C7: variants seen among roughly 807,000 people sequenced by gnomAD.
C7 encodes the protein complement C7.
C7 carries 83 observed loss-of-function variants against 104.8 expected under a neutral mutation model. The observed-to-expected ratio is 0.79, with a 90% CI of 0.66 to 0.95. The LOEUF is 0.95. C7 is among the 40% of genes least tolerant of loss of function. The pLI, the probability that C7 is intolerant of heterozygous loss-of-function variation, is 0.00. For missense variants in C7, 1,070 were observed against 1,011.2 expected (o/e 1.06, Z -0.79); for synonymous variants, 415 against 360.6 (o/e 1.15, Z -1.71).
Position 40,936,448 on chromosome 5 carries a change from G to A in C7, c.391G>A (p.Asp131Asn), listed in dbSNP as rs755439553. Residue 131 changes from aspartate (D) to asparagine (N), a missense_variant, in exon 5 of 18, where the codon GAT (aspartate) becomes AAT (asparagine). By Grantham distance (23) the Asp-to-Asn change is conservative. Transcript: ENST00000313164. ...AGAAAGGAGACCTTCCTGTGATATCGATAAACCTCCTCCTAACATAGAACT... is the reference window on the plus strand; with the variant it reads ...AGAAAGGAGACCTTCCTGTGATATCAATAAACCTCCTCCTAACATAGAACT... Reference protein sequence around the residue: ...DSERRPSCDIDKPPPNIELTG... With the variant: ...DSERRPSCDINKPPPNIELTG... The A allele has an allele frequency of 6.2e-5, 100 of 1,613,078 alleles. No homozygotes were observed. The Admixed American group carries it at 1.4e-3, about 22-fold the overall frequency.
intron 15 of C7, among the ~76,000 whole-genome samples, chr5:40,975,119 T>C (rs1740786097): frequency 6.6e-6 from 1 of 152,182 alleles, no homozygotes; most frequent in Admixed American, 6.6e-5. Flanking sequence ...TTGGAATAAT[T>C]TTAGATTTCA....
intron 5 of C7, 142 bp downstream of exon 5, chr5:40,936,627 A>C: frequency 1.3e-6 from 1 of 740,770 alleles, no homozygotes; most frequent in East Asian, 2.7e-5. Context: ...CCACATCCTG[A>C]GACAGTATTT....
intron 14 of C7, among the ~76,000 whole-genome samples, chr5:40,970,719 G>T (rs541557494): frequency 6.6e-6 from 1 of 151,912 alleles, no homozygotes; most frequent in Non-Finnish European, 1.5e-5. Context: ...TTTAAGCCTC[G>T]CATGCATTAG....
Position 40,982,930 on chromosome 5 carries a change from T to G in C7, c.*1357T>G, listed in dbSNP as rs150940760. 0.013 allele frequency: 2,027 copies of G among 152,508 alleles called. 26 individuals are homozygous for G. The highest frequency in any genetic ancestry group is 0.017 in the Non-Finnish European group (1,154 of 68,038). 9.4% of individuals were successfully genotyped at this position (152,508 alleles called of 1,614,324 possible). A position where few individuals can be genotyped will look rare whatever the true frequency, so the allele number is the denominator to read the frequency against. On this transcript the variant is annotated 3_prime_UTR_variant, in exon 18 of 18. Coordinates refer to ENST00000313164, the MANE Select transcript of C7 (RefSeq NM_000587.4). ...ATTAGAACACTCATTAAAGATGCTATTCTTCAGAATTGTTTCATTTGTATG... is the reference window on the plus strand; with the variant it reads ...ATTAGAACACTCATTAAAGATGCTAGTCTTCAGAATTGTTTCATTTGTATG...
intron 14 of C7, among the ~76,000 whole-genome samples, chr5:40,970,419 T>C (rs1042773479): frequency 6.6e-6 from 1 of 152,112 alleles, no homozygotes; most frequent in Non-Finnish European, 1.5e-5. Flanking sequence ...CTATTTGAGC[T>C]AATGAATGTA....
chr5:40,979,129 G>A (rs138635773), intron 16 of C7, among the ~76,000 whole-genome samples: 2,924 of 151,946 alleles, frequency 0.019, 81 homozygotes, highest in African/African-American at 0.067. Flanking sequence ...ATCCACCTGC[G>A]TTGGCCTCCC....
chr5:40,919,126 CTTTTT>C (rs35920628), intron 1 of C7, among the ~76,000 whole-genome samples: 1 of 143,380 alleles, frequency 7.0e-6, no homozygotes, highest in Non-Finnish European at 1.5e-5. Flanking sequence ...TATCAAGTAT[CTTTTT>C]TTTTTTTTTT....
At chr5:40,925,026 A>G (rs905063943) in intron 1 of C7, among the ~76,000 whole-genome samples, 1 of 152,210 alleles carries the variant, frequency 6.6e-6, no homozygotes, top group Non-Finnish European at 1.5e-5. Flanking sequence ...CTCTGTAGCA[A>G]GTGCTTGCTC....
rs1174305227 is a variant in C7 at position 40,958,021 on chromosome 5, TTATCTC to T, written c.1261-8_1261-3del. 38 of 1,590,220 alleles carry T rather than the reference TTATCTC, an allele frequency of 2.4e-5. No individual in the cohort carries two copies. The highest frequency in any genetic ancestry group is 3.1e-5 in the Non-Finnish European group (36 of 1,162,994). Reference sequence around the variant, plus strand: ...TCCCTGATTACTGACTATAATGTCTTTATCTCTATAGCTGACACCTTTATATGAGCT... The same window carrying T: ...TCCCTGATTACTGACTATAATGTCTTTATAGCTGACACCTTTATATGAGCT... On this transcript the variant is annotated splice_polypyrimidine_tract_variant and splice_region_variant and intron_variant, in intron 10 of 17. Coordinates refer to ENST00000313164, the MANE Select transcript of C7 (RefSeq NM_000587.4).
In C7 at chr5:40,982,713, A is replaced by G. The variant is rs952085254; in HGVS notation, c.*1140A>G. ...TACAGTCCCAGAGTTTTCAGGGAGT[A>G]CACAGGTAGATTAGTTTGAAGCATT... On this transcript the variant is annotated 3_prime_UTR_variant, in exon 18 of 18. Transcript: ENST00000313164. 6.6e-6 allele frequency: 1 copy of G among 152,374 alleles called. No homozygotes were observed. The highest frequency in any genetic ancestry group is 2.4e-5 in the African/African-American group (1 of 41,472). 9.4% of individuals were successfully genotyped at this position (152,374 alleles called of 1,614,324 possible).
chr5:40,917,827 A>G (rs898198064), intron 1 of C7, among the ~76,000 whole-genome samples: 1 of 152,188 alleles, frequency 6.6e-6, no homozygotes, highest in African/African-American at 2.4e-5. Context: ...TTTTCAAATC[A>G]TTTAAGAAAT....
intron 1 of C7, among the ~76,000 whole-genome samples, chr5:40,919,190 C>T (rs950120491): frequency 2.0e-5 from 3 of 150,066 alleles, no homozygotes; most frequent in Admixed American, 1.3e-4. Context: ...GTGGTCTGAT[C>T]TCAGCTCACT....
intron 14 of C7, among the ~76,000 whole-genome samples, chr5:40,965,618 G>A (rs957152975): frequency 7.0e-6 from 1 of 143,270 alleles, no homozygotes; most frequent in African/African-American, 2.7e-5. Flanking sequence ...ACAGTGGTGA[G>A]TGTATAGTGA....
rs762776940 is a variant in C7, at chr5:40,936,409, A to G, written c.352A>G (p.Arg118Gly). ...TGATGAAGACAGTGCTGATGAAGAC[A>G]GATGTGAGGACTCAGAAAGGAGACC... The part of the protein sequence containing the change: ...DCDEDSADED[R>G]CEDSERRPSC... Residue 118 changes from arginine to glycine, a missense_variant, in exon 5 of 18, where the codon AGA (arginine) becomes GGA (glycine). Arg to Gly is a moderately radical substitution (Grantham distance 125, BLOSUM62 -2). Transcript: ENST00000313164. 4.3e-6 allele frequency: 7 copies of G among 1,613,366 alleles called. No individual in the cohort carries two copies. The Admixed American group carries it at 1.0e-4, about 23-fold the overall frequency.
intron 8 of C7, among the ~76,000 whole-genome samples, chr5:40,949,004 G>C (rs1051497283): frequency 1.3e-5 from 2 of 151,862 alleles, no homozygotes; most frequent in African/African-American, 2.4e-5. Flanking sequence ...GAGTGCACAA[G>C]TACAGGTTTT....
At chr5:40,964,493 A>G (rs7713409) in intron 13 of C7, 72,973 of 334,808 alleles carry the variant, frequency 0.22, 8,253 homozygotes, top group African/African-American at 0.33. Flanking sequence ...AATGCTTAGT[A>G]TAGTCCTTGG....
intron 3 of C7, 95 bp downstream of exon 3, chr5:40,931,234 T>C (rs1426568081): frequency 3.9e-5 from 33 of 855,326 alleles, no homozygotes; most frequent in Non-Finnish European, 4.2e-5. Context: ...CATTAAATAG[T>C]GTCAATATTT....
intron 5 of C7, 72 bp from the exon 6 acceptor site, chr5:40,937,480 T>TC (rs1739840303): frequency 6.7e-7 from 1 of 1,495,442 alleles, no homozygotes; most frequent in Admixed American, 2.2e-5. Context: ...TAAACTTTTT[T>TC]CCCCACCAAG....
rs34725318 is a variant in C7, at chr5:40,974,387, G to GTTTTTTT, written c.2074+1800_2074+1806dup. Among the ~76,000 whole-genome samples, 686 of 138,118 alleles carry GTTTTTTT rather than the reference G, an allele frequency of 5.0e-3. 6 individuals are homozygous for GTTTTTTT. Among genetic ancestry groups the GTTTTTTT allele is most frequent in the African/African-American group, 0.017 (634 of 37,414 alleles). 90.6% of individuals were successfully genotyped at this position (138,118 alleles called of 152,430 possible). A position where few individuals can be genotyped will look rare whatever the true frequency, so the allele number is the denominator to read the frequency against. On this transcript the variant is annotated intron_variant, in intron 15 of 17. Transcript: ENST00000313164. ...ATTCTTTGGGCTAGGTAATTCTATC[G>GTTTTTTT]TTTTTTTTTTTTTCCACAAAGACAT...
Sources: allele counts gnomAD v4.1 joint callset (sites outside exome capture counted in the v4.1 genomes callset), GRCh38; gene constraint gnomAD v4.1.1; transcripts MANE v1.5; gene names NCBI Gene and HGNC (gene_info 2026-07-23, HGNC 2026-07-21).